Variants in MOV10L1 observed in about 807,000 individuals in gnomAD.
MOV10L1 encodes the protein Mov10 like RNA helicase 1.
MOV10L1 carries 110 observed loss-of-function variants against 143.8 expected under a neutral mutation model. The ratio of observed to expected loss-of-function variants is 0.76; its 90% confidence interval spans 0.66 to 0.90. MOV10L1 has a LOEUF of 0.90. Among genes scored for constraint, MOV10L1 ranks in the 40% least tolerant of loss-of-function variants. The pLI is 0.00. For synonymous variants in MOV10L1, 593 were observed against 581.1 expected (o/e 1.02, Z -0.29); for missense variants, 1,406 against 1,526.8 (o/e 0.92, Z 1.32).
chr22:50,116,540 TTAGA>T (rs2062183310), intron 8 of MOV10L1, among the ~76,000 whole-genome samples: 1 of 152,002 alleles, frequency 6.6e-6, no homozygotes, highest in Non-Finnish European at 1.5e-5. Context: ...AGAAAGCACA[TTAGA>T]TATAGTACCT....
intron 6 of MOV10L1, among the ~76,000 whole-genome samples, chr22:50,114,120 G>A (rs956425577): frequency 2.0e-5 from 3 of 151,450 alleles, no homozygotes; most frequent in African/African-American, 4.9e-5. Context: ...GGGTTTCACC[G>A]TGTTAGCCAG....
At chr22:50,108,466 T>C in intron 4 of MOV10L1, 191 bp from the exon 5 acceptor site, 3 of 754,424 alleles carry the variant, frequency 4.0e-6, no homozygotes, top group South Asian at 1.6e-5. Flanking sequence ...GGTCTGTAGC[T>C]TATGCAACAG....
rs757893755 is a variant in MOV10L1 at position 50,158,144 on chromosome 22, C to A, written c.3154C>A (p.His1052Asn). ...QVLRYCCLLA[H>N]SISSQVSASD... ...CCTGCGCTACTGCTGCCTCCTGGCC[C>A]ACAGCATCTCCAGTCAGGTGTCTGC... The change falls in exon 23 of 27, where the codon CAC becomes AAC. Residue 1052 changes from histidine (H) to asparagine (N), a missense_variant. Physicochemically the swap from His to Asn is moderately conservative, Grantham distance 68. Transcript: ENST00000262794. The surrounding 1 kb of genome is among the most constrained non-coding windows in gnomAD (Gnocchi z 5.0). 2 of 1,614,186 alleles carry A rather than the reference C, an allele frequency of 1.2e-6. No homozygotes were observed. Among genetic ancestry groups the A allele is most frequent in the Non-Finnish European group, 1.7e-6 (2 of 1,180,036 alleles).
chr22:50,144,256 T>C lies in MOV10L1; in HGVS notation c.2505+13T>C, dbSNP rs202166395. 11 of 1,588,656 alleles carry C rather than the reference T, an allele frequency of 6.9e-6. No individual in the cohort carries two copies. Among genetic ancestry groups the C allele is most frequent in the Non-Finnish European group, 9.5e-6 (11 of 1,162,310 alleles). On this transcript the variant is annotated intron_variant, in intron 18 of 26. Coordinates refer to ENST00000262794, the MANE Select transcript of MOV10L1 (RefSeq NM_018995.3). ...CAGGTTCGAGGAGGTGAGCCCTTGG[T>C]GCAAGCAGTGGGGGGCACCAGAACC... is the stretch of plus-strand genomic sequence containing the variant.
intron 21 of MOV10L1, 36 bp downstream of exon 21, chr22:50,150,935 C>G: frequency 6.2e-7 from 1 of 1,612,518 alleles, no homozygotes; most frequent in Non-Finnish European, 8.5e-7. Flanking sequence ...AGGTCCCCAG[C>G]TAAGCAGACA....
rs2062474554 is a variant in MOV10L1 at position 50,125,537 on chromosome 22, G to C, written c.1715G>C (p.Gly572Ala). The C allele has an allele frequency of 6.2e-7, 1 of 1,614,174 alleles. No individual in the cohort carries two copies. Among genetic ancestry groups the C allele is most frequent in the Non-Finnish European group, 8.5e-7 (1 of 1,180,034 alleles). ...GATCTGCTGGTTCTGGAGGTCCCAG[G>C]GTTGGCCGAAGGGAGGCCTTCTCTC... ...NGDLLVLEVP[G>A]LAEGRPSLYA... The change falls in exon 11 of 27, where the codon GGG becomes GCG. Residue 572 changes from glycine to alanine, a missense_variant. Coordinates refer to ENST00000262794, the MANE Select transcript of MOV10L1 (RefSeq NM_018995.3).
At chr22:50,120,223 A>C (rs1476896588) in intron 9 of MOV10L1, among the ~76,000 whole-genome samples, 3 of 152,104 alleles carry the variant, frequency 2.0e-5, no homozygotes, top group Non-Finnish European at 4.4e-5. Flanking sequence ...GTTCCAGGAG[A>C]TTCTGGGGGT....
intron 20 of MOV10L1, 59 bp from the exon 21 acceptor site, chr22:50,150,676 C>T: frequency 6.3e-7 from 1 of 1,580,026 alleles, no homozygotes; most frequent in East Asian, 2.3e-5. Flanking sequence ...CCACCTGAGC[C>T]CGTAGGAGTG....
intron 10 of MOV10L1, among the ~76,000 whole-genome samples, chr22:50,122,452 T>C (rs894566322): frequency 3.9e-5 from 6 of 152,224 alleles, no homozygotes; most frequent in Non-Finnish European, 5.9e-5. Context: ...TGTGGAATCT[T>C]TTAGAGTTTT....
intron 3 of MOV10L1, among the ~76,000 whole-genome samples, chr22:50,103,923 T>G (rs2061806695): frequency 6.6e-6 from 1 of 152,170 alleles, no homozygotes; most frequent in African/African-American, 2.4e-5. Flanking sequence ...ATTGTGCACT[T>G]TATTTCTATT....
chr22:50,101,587 C>G (rs1307661016), intron 3 of MOV10L1, among the ~76,000 whole-genome samples: 2 of 142,290 alleles, frequency 1.4e-5, no homozygotes, highest in East Asian at 2.1e-4. Flanking sequence ...TGGTGGCTCA[C>G]TGTAACCTCC....
At chr22:50,136,404 T>C (rs2147298586) in intron 15 of MOV10L1, among the ~76,000 whole-genome samples, 1 of 152,392 alleles carries the variant, frequency 6.6e-6, no homozygotes, top group East Asian at 1.9e-4. Context: ...GAATATTTCA[T>C]ATGTCAACCA....
At chr22:50,105,352 A>G (rs1006747095) in intron 3 of MOV10L1, among the ~76,000 whole-genome samples, 15 of 152,192 alleles carry the variant, frequency 9.9e-5, no homozygotes, top group Non-Finnish European at 2.2e-4. Context: ...AGGCCTTCTC[A>G]GCGTCTCAGG....
intron 5 of MOV10L1, among the ~76,000 whole-genome samples, chr22:50,112,304 C>G (rs2062046224): frequency 6.6e-6 from 1 of 152,208 alleles, no homozygotes; most frequent in African/African-American, 2.4e-5. Flanking sequence ...GCCCAGTCCG[C>G]TGAGCCTGGC....
chr22:50,143,260 T>C (rs2063041511), intron 17 of MOV10L1, 39 bp downstream of exon 17: 1 of 1,594,512 alleles, frequency 6.3e-7, no homozygotes, highest in East Asian at 2.2e-5. Flanking sequence ...GGCTCTGTGC[T>C]GCTGTTCATG....
intron 13 of MOV10L1, among the ~76,000 whole-genome samples, chr22:50,130,606 A>T (rs1030349039): frequency 6.6e-6 from 1 of 152,186 alleles, no homozygotes; most frequent in African/African-American, 2.4e-5. Context: ...GCTGTGCAAG[A>T]TGAGAGACCC....
intron 26 of MOV10L1, 62 bp downstream of exon 26, chr22:50,161,117 C>G: frequency 6.8e-7 from 1 of 1,479,766 alleles, no homozygotes; most frequent in South Asian, 1.1e-5. Context: ...CTAGCCTGCC[C>G]TCCCCTGCTC....
chr22:50,113,240 ACT>A (rs1409907786), intron 5 of MOV10L1, among the ~76,000 whole-genome samples: 2 of 151,996 alleles, frequency 1.3e-5, no homozygotes, highest in African/African-American at 4.8e-5. Flanking sequence ...AAGCAACAAA[ACT>A]CTTTCCAAAG....
chr22:50,104,246 C>T (rs2061815249), intron 3 of MOV10L1, among the ~76,000 whole-genome samples: 1 of 152,182 alleles, frequency 6.6e-6, no homozygotes, highest in Admixed American at 6.5e-5. Flanking sequence ...GCTTGTTATC[C>T]CCAGCTCACT....
Sources: gnomAD v4.1 joint callset for allele counts (sites outside exome capture counted in the v4.1 genomes callset) on GRCh38, gnomAD v4.1.1 for gene constraint, Gnocchi (gnomAD v3.1) non-coding constraint, MANE v1.5 for transcripts, NCBI Gene and HGNC (gene_info 2026-07-23, HGNC 2026-07-21) for gene names.